Variants in MED26 observed in about 807,000 individuals in gnomAD.
The protein encoded by MED26 is mediator complex subunit 26.
In MED26, 7 loss-of-function variants were observed where a neutral mutation model predicts 43.7. The observed-to-expected ratio is 0.16, with a 90% confidence interval of 0.09 to 0.30. The LOEUF is 0.30. Ranked by LOEUF, MED26 falls within the 10% of genes least tolerant of loss-of-function variation. The probability of loss-of-function intolerance (pLI) is 1.00; values close to 1 mark genes in which losing one functional copy is unlikely to be tolerated. For missense variants in MED26, 784 were observed against 840.6 expected (o/e 0.93, Z 0.83); for synonymous variants, 375 against 371.1 (o/e 1.01, Z -0.12).
At chr19:16,617,457 C>A (rs1237563798) in intron 1 of MED26, among the ~76,000 whole-genome samples, 1 of 152,188 alleles carries the variant, frequency 6.6e-6, no homozygotes, top group Non-Finnish European at 1.5e-5. Flanking sequence ...GTTTCCGGAA[C>A]TGGAAACTAG....
intron 1 of MED26, among the ~76,000 whole-genome samples, chr19:16,580,985 C>T (rs759163392): frequency 1.1e-4 from 17 of 152,180 alleles, no homozygotes; most frequent in Non-Finnish European, 2.4e-4. Flanking sequence ...AGAATGTGGA[C>T]GTCCTTGAGG....
rs1030036418 is a variant in MED26, at chr19:16,586,449, C to T, written c.73-8040G>A. On this transcript the variant is annotated intron_variant, in intron 1 of 2. Coordinates refer to ENST00000263390, the MANE Select transcript of MED26 (RefSeq NM_004831.5). The surrounding 1 kb of genome is among the most constrained non-coding windows in gnomAD (Gnocchi z 5.1). ...AGGTGCCACCAGCCTGTGGTGATGT[C>T]GGCACTCTGTAAAGACTCTCCTGAC... 1.3e-5 allele frequency among the ~76,000 whole-genome samples: 2 copies of T among 152,174 alleles called. No individual in the cohort carries two copies. The highest frequency in any genetic ancestry group is 1.9e-4 in the East Asian group (1 of 5,204).
At chr19:16,624,913 GC>G (rs1181726794) in intron 1 of MED26, among the ~76,000 whole-genome samples, 12 of 152,302 alleles carry the variant, frequency 7.9e-5, no homozygotes, top group African/African-American at 2.9e-4. Context: ...CAAGAAGCTT[GC>G]GTGCTGCACA....
intron 1 of MED26, chr19:16,588,890 ATGCTCTCTGAGCACCGAC>A (rs2086083389): frequency 6.6e-6 from 1 of 152,320 alleles, no homozygotes; most frequent in Non-Finnish European, 1.5e-5. Flanking sequence ...AAGTCATCAA[ATGCTCTCTGAGCACCGAC>A]TGCACACAGG....
intron 1 of MED26, among the ~76,000 whole-genome samples, chr19:16,607,032 AT>A (rs1224544493): frequency 1.3e-5 from 2 of 152,026 alleles, no homozygotes; most frequent in Non-Finnish European, 2.9e-5. Flanking sequence ...CTCAGCTGCT[AT>A]TTATCTCCTG....
intron 1 of MED26, among the ~76,000 whole-genome samples, chr19:16,601,781 A>G (rs958483206): frequency 1.3e-5 from 2 of 152,152 alleles, no homozygotes; most frequent in Non-Finnish European, 2.9e-5. Flanking sequence ...AGGTGGGGAC[A>G]CCTCCCGGCA....
rs1232757767 is a variant in MED26 at position 16,576,816 on chromosome 19, T to C, written c.1014A>G (p.Pro338=). 6.2e-7 allele frequency: 1 copy of C among 1,609,464 alleles called. No homozygotes were observed. The highest frequency in any genetic ancestry group is 1.7e-5 in the Admixed American group (1 of 59,812). The change falls in exon 3 of 3, where the codon CCA becomes CCG. Residue 338 remains proline (P), a synonymous_variant. Transcript: ENST00000263390. The surrounding 1 kb of genome is among the most constrained non-coding windows in gnomAD (Gnocchi z 6.8). ...TCTCAGGCTGCTCAAGCCAGCACAC[T>C]GGGCTTTCCGCACTGGGCAGCAGCT... ...RLELLPSAES[P]VCWLEQPESH...
chr19:16,576,884 G>T lies in MED26; in HGVS notation c.946C>A (p.Leu316Ile). ...ALDATQVPSP[L>I]PLAQPSTPPV... The stretch of plus-strand genomic sequence containing the variant: ...GGTGTGGACGGCTGTGCCAGTGGAA[G>T]CGGTGACGGCACCTGTGTGGCATCG... The change falls in exon 3 of 3, where the codon CTT becomes ATT. Residue 316 changes from leucine (L) to isoleucine (I), a missense_variant. By Grantham distance (5) the Leu-to-Ile change is conservative. Transcript: ENST00000263390. This position sits in a 1 kb window ranked among gnomAD's most constrained non-coding sequence, Gnocchi z 6.8. 1 of 1,608,338 alleles carries T rather than the reference G, an allele frequency of 6.2e-7. No homozygotes were observed. Among genetic ancestry groups the T allele is most frequent in the South Asian group, 1.1e-5 (1 of 90,506 alleles).
intron 1 of MED26, among the ~76,000 whole-genome samples, chr19:16,604,644 G>C (rs912886339): frequency 5.3e-5 from 8 of 152,128 alleles, no homozygotes; most frequent in Non-Finnish European, 1.2e-4. Flanking sequence ...CAGAGACAAT[G>C]GGTTGCAGAA....
At chr19:16,619,202 T>C (rs919247676) in intron 1 of MED26, among the ~76,000 whole-genome samples, 5 of 152,250 alleles carry the variant, frequency 3.3e-5, no homozygotes, top group African/African-American at 1.2e-4. Flanking sequence ...TCTTATTTTA[T>C]ATCCCTTCAC....
intron 1 of MED26, among the ~76,000 whole-genome samples, chr19:16,615,199 C>T (rs1435017984): frequency 6.6e-6 from 1 of 151,964 alleles, no homozygotes; most frequent in Non-Finnish European, 1.5e-5. Context: ...GGCTCTGGAC[C>T]CTGAGACCAG....
At chr19:16,579,103 A>AAATAAT (rs1013915076) in intron 1 of MED26, among the ~76,000 whole-genome samples, 89 of 151,980 alleles carry the variant, frequency 5.9e-4, no homozygotes, top group Admixed American at 1.7e-3. Context: ...TCCGTGTAAA[A>AAATAAT]AATAATAATA....
At chr19:16,605,514 C>A (rs939183325) in intron 1 of MED26, among the ~76,000 whole-genome samples, 1 of 152,234 alleles carries the variant, frequency 6.6e-6, no homozygotes, top group Non-Finnish European at 1.5e-5. Context: ...CACCTGGGGC[C>A]ACCATCCACC....
At chr19:16,582,034 C>T (rs1283484520) in intron 1 of MED26, among the ~76,000 whole-genome samples, 2 of 152,244 alleles carry the variant, frequency 1.3e-5, no homozygotes, top group Non-Finnish European at 2.9e-5. Flanking sequence ...CAGAGAGGAG[C>T]GCAGCTCGCT....
intron 1 of MED26, among the ~76,000 whole-genome samples, chr19:16,604,487 G>T (rs571932622): frequency 6.6e-6 from 1 of 152,194 alleles, no homozygotes; most frequent in Non-Finnish European, 1.5e-5. Context: ...TAAGGAGAAC[G>T]ACTAAGCTCA....
At chr19:16,578,100 G>A in intron 2 of MED26, 1 of 563,562 alleles carries the variant, frequency 1.8e-6, no homozygotes, top group South Asian at 2.2e-5. Context: ...CTCTCCTGAT[G>A]TCCCCACGTG....
At position 16,591,048 on chromosome 19, in the gene MED26, A is replaced by AAAATAAAT. The variant is rs10593029; in HGVS notation, c.73-12647_73-12640dup. Among the ~76,000 whole-genome samples the AAAATAAAT allele has an allele frequency of 1.1e-3, 154 of 142,710 alleles. 1 individual carries two copies. Among genetic ancestry groups the AAAATAAAT allele is most frequent in the East Asian group, 2.3e-3 (11 of 4,886 alleles). 93.6% of individuals were successfully genotyped at this position (142,710 alleles called of 152,430 possible). ...GAGAGAGACTTTCTCAAAATAAAAT[A>AAAATAAAT]AAATAAATAAATAAATAAATAAATA... On this transcript the variant is annotated intron_variant, in intron 1 of 2. Transcript: ENST00000263390.
intron 1 of MED26, among the ~76,000 whole-genome samples, chr19:16,595,202 A>G (rs2086114893): frequency 6.6e-6 from 1 of 152,150 alleles, no homozygotes; most frequent in African/African-American, 2.4e-5. Flanking sequence ...CAAAGCCCTG[A>G]GATGGTTGAC....
chr19:16,587,606 C>T lies in MED26; in HGVS notation c.73-9197G>A, dbSNP rs948390989. On this transcript the variant is annotated intron_variant, in intron 1 of 2. Coordinates refer to ENST00000263390, the MANE Select transcript of MED26 (RefSeq NM_004831.5). The surrounding 1 kb of genome is among the most constrained non-coding windows in gnomAD (Gnocchi z 4.9). ...ATGACGGGAAGGTGCATGTCTCGGC[C>T]ACAGCCACCAAGCTCACCACTTGAA... The T allele has an allele frequency of 3.3e-5, 5 of 152,280 alleles. No individual in the cohort carries two copies. The East Asian group carries it at 5.8e-4, about 18-fold the overall frequency. The allele number at this position is 152,280 out of a possible 1,614,324, so 9.4% of individuals were successfully genotyped here.
Sources: allele counts gnomAD v4.1 joint callset (sites outside exome capture counted in the v4.1 genomes callset), GRCh38; gene constraint gnomAD v4.1.1; non-coding constraint Gnocchi (gnomAD v3.1); transcripts MANE v1.5; gene names NCBI Gene and HGNC (gene_info 2026-07-23, HGNC 2026-07-21).